Variants in PTPRT observed in about 807,000 individuals in gnomAD.
The protein encoded by PTPRT is protein tyrosine phosphatase receptor type T.
A neutral mutation model predicts 176.8 loss-of-function variants in PTPRT; 56 were observed. The ratio of observed to expected loss-of-function variants is 0.32; its 90% confidence interval spans 0.26 to 0.40. PTPRT has a LOEUF of 0.40. Ranked by LOEUF, PTPRT falls within the 10% of genes least tolerant of loss-of-function variation. The probability of loss-of-function intolerance (pLI) is 1.00; values close to 1 mark genes in which losing one functional copy is unlikely to be tolerated. For synonymous variants in PTPRT, 783 were observed against 739.0 expected (o/e 1.06, Z -0.96); for missense variants, 1,540 against 1,908.2 (o/e 0.81, Z 3.60).
intron 11 of PTPRT, among the ~76,000 whole-genome samples, chr20:42,337,771 T>G (rs551777382): frequency 1.1e-3 from 172 of 152,320 alleles, no homozygotes; most frequent in African/African-American, 3.9e-3. Flanking sequence ...CTTTGAGAAT[T>G]ACTGTCTTAC....
intron 5 of PTPRT, among the ~76,000 whole-genome samples, chr20:42,758,062 C>G (rs1246479180): frequency 6.6e-6 from 1 of 152,176 alleles, no homozygotes; most frequent in Non-Finnish European, 1.5e-5. Flanking sequence ...GCCCCTTATC[C>G]AGGTTTTCCA....
Position 42,375,535 on chromosome 20 carries a change from G to GC in PTPRT, c.1561-23251dup, listed in dbSNP as rs574691815. On this transcript the variant is annotated intron_variant, in intron 9 of 30. Coordinates refer to ENST00000373187, the MANE Select transcript of PTPRT (RefSeq NM_007050.6). ...GTGTCCTCTTGGAAGAAGGGACTAG[G>GC]CCCTCACCAGACACCAAACCTGCCC... Among the ~76,000 whole-genome samples, 400 of 152,212 alleles carry GC rather than the reference G, an allele frequency of 2.6e-3. 3 individuals are homozygous for GC. The highest frequency in any genetic ancestry group is 8.9e-3 in the African/African-American group (371 of 41,522).
chr20:42,548,704 T>C (rs1191944973), intron 7 of PTPRT, among the ~76,000 whole-genome samples: 1 of 152,200 alleles, frequency 6.6e-6, no homozygotes, highest in Non-Finnish European at 1.5e-5. Context: ...ATACTTGTGA[T>C]GTCTTAAATC....
chr20:43,006,216 C>A (rs1600641911), intron 1 of PTPRT, among the ~76,000 whole-genome samples: 1 of 152,138 alleles, frequency 6.6e-6, no homozygotes, highest in East Asian at 1.9e-4. Context: ...AAATAAACAT[C>A]ATTTTTAAAA....
chr20:42,948,175 C>T (rs59765130), intron 1 of PTPRT, among the ~76,000 whole-genome samples: 1 of 152,342 alleles, frequency 6.6e-6, no homozygotes, highest in East Asian at 1.9e-4. Context: ...GCTTCCATGG[C>T]TGATCCATGA....
rs929483634 is a variant in PTPRT, at chr20:42,825,511, A to T, written c.215-34045T>A. ...ACTTATAGCTTGCACCTAATTTTGTAAAATATATATATACATTTAGCAAAC... is the reference window on the plus strand; with the variant it reads ...ACTTATAGCTTGCACCTAATTTTGTTAAATATATATATACATTTAGCAAAC... On this transcript the variant is annotated intron_variant, in intron 2 of 30. Transcript: ENST00000373187. Among the ~76,000 whole-genome samples, 5 of 152,328 alleles carry T rather than the reference A, an allele frequency of 3.3e-5. No homozygotes were observed. The South Asian group carries it at 8.3e-4, about 25-fold the overall frequency.
At chr20:42,312,944 G>A (rs2057658502) in intron 12 of PTPRT, among the ~76,000 whole-genome samples, 1 of 145,564 alleles carries the variant, frequency 6.9e-6, no homozygotes, top group African/African-American at 2.5e-5. Context: ...TGGGTAAAAT[G>A]AGGCTGAGAC....
intron 1 of PTPRT, among the ~76,000 whole-genome samples, chr20:43,095,561 C>G (rs569240356): frequency 6.6e-6 from 1 of 151,492 alleles, no homozygotes; most frequent in South Asian, 2.1e-4. Context: ...GGCTATCTCT[C>G]ACCCTACTTT....
At chr20:43,102,027 A>G (rs1353849510) in intron 1 of PTPRT, among the ~76,000 whole-genome samples, 2 of 152,176 alleles carry the variant, frequency 1.3e-5, no homozygotes, top group Admixed American at 6.5e-5. Flanking sequence ...GTGTCCTTAC[A>G]TGGCAGAAGG....
intron 16 of PTPRT, among the ~76,000 whole-genome samples, chr20:42,193,244 C>T (rs752884301): frequency 2.6e-5 from 4 of 152,222 alleles, no homozygotes; most frequent in Non-Finnish European, 4.4e-5. Context: ...GACTAAGACT[C>T]CATATTTGAG....
At chr20:42,793,853 G>T (rs2077413209) in intron 2 of PTPRT, among the ~76,000 whole-genome samples, 1 of 152,164 alleles carries the variant, frequency 6.6e-6, no homozygotes, top group African/African-American at 2.4e-5. Context: ...CAAAGGGTTT[G>T]TGACTGCCTC....
At chr20:42,839,307 G>GTTT (rs879401385) in intron 2 of PTPRT, among the ~76,000 whole-genome samples, 2 of 136,506 alleles carry the variant, frequency 1.5e-5, no homozygotes, top group African/African-American at 2.7e-5. Flanking sequence ...TGTTCACTCT[G>GTTT]TTTTTTTTTT....
intron 1 of PTPRT, among the ~76,000 whole-genome samples, chr20:43,152,417 G>C (rs2014388112): frequency 6.6e-6 from 1 of 152,168 alleles, no homozygotes; most frequent in Non-Finnish European, 1.5e-5. Flanking sequence ...ATGGAGCTGA[G>C]TCAGGCGTCT....
intron 7 of PTPRT, among the ~76,000 whole-genome samples, chr20:42,524,545 C>T (rs531575065): frequency 3.3e-5 from 5 of 152,276 alleles, no homozygotes; most frequent in African/African-American, 1.2e-4. Flanking sequence ...ACATTTTCAG[C>T]CTCTTTGAAG....
chr20:42,618,148 C>T (rs2074117381), intron 7 of PTPRT, among the ~76,000 whole-genome samples: 1 of 132,356 alleles, frequency 7.6e-6, no homozygotes, highest in Non-Finnish European at 1.6e-5. Context: ...TGTCTTTGTT[C>T]TCGTTGGTTT....
At chr20:42,325,638 G>A (rs1246874732) in intron 11 of PTPRT, among the ~76,000 whole-genome samples, 1 of 152,006 alleles carries the variant, frequency 6.6e-6, no homozygotes, top group Non-Finnish European at 1.5e-5. Context: ...TATTGTAATA[G>A]CCTCCCAACT....
At chr20:42,902,626 C>A (rs970220545) in intron 1 of PTPRT, among the ~76,000 whole-genome samples, 5 of 152,150 alleles carry the variant, frequency 3.3e-5, no homozygotes, top group Admixed American at 3.3e-4. Context: ...CCAACCACTG[C>A]CTTATTTTGT....
At chr20:42,291,983 T>C (rs1247773826) in intron 12 of PTPRT, among the ~76,000 whole-genome samples, 1 of 151,984 alleles carries the variant, frequency 6.6e-6, no homozygotes, top group East Asian at 1.9e-4. Flanking sequence ...GAGAAGAAGG[T>C]GGTGGTATAG....
intron 7 of PTPRT, among the ~76,000 whole-genome samples, chr20:42,564,248 G>T (rs763599315): frequency 3.5e-4 from 53 of 152,160 alleles, no homozygotes; most frequent in Non-Finnish European, 8.8e-5. Flanking sequence ...AAATATTTGG[G>T]ATCAACTTTG....
Sources: gnomAD v4.1 joint callset for allele counts (sites outside exome capture counted in the v4.1 genomes callset) on GRCh38, gnomAD v4.1.1 for gene constraint, MANE v1.5 for transcripts, NCBI Gene and HGNC (gene_info 2026-07-23, HGNC 2026-07-21) for gene names.